Variants in PCDHGB7 observed in about 807,000 individuals in gnomAD.
PCDHGB7 encodes the protein protocadherin gamma-B7.
Under a neutral mutation model 61.4 loss-of-function variants are expected in PCDHGB7, and 37 were observed. The observed-to-expected ratio is 0.60, with a 90% CI of 0.46 to 0.79. PCDHGB7 has a LOEUF of 0.79. Among genes scored for constraint, PCDHGB7 ranks in the 30% least tolerant of loss-of-function variants. The pLI is 0.00. For synonymous variants in PCDHGB7, 464 were observed against 503.5 expected (o/e 0.92, Z 1.05); for missense variants, 1,166 against 1,202.5 (o/e 0.97, Z 0.45).
intron 1 of PCDHGB7, among the ~76,000 whole-genome samples, chr5:141,446,149 G>T (rs2098490670): frequency 6.6e-6 from 1 of 152,178 alleles, no homozygotes; most frequent in Non-Finnish European, 1.5e-5. Context: ...GGAATAGGTG[G>T]AATATAAATT....
chr5:141,504,848 C>G (rs181277525), intron 2 of PCDHGB7, among the ~76,000 whole-genome samples: 1 of 152,236 alleles, frequency 6.6e-6, no homozygotes, highest in Non-Finnish European at 1.5e-5. Context: ...CTGGAACATT[C>G]TCTTCCATTT....
chr5:141,440,693 C>T (rs2098194597), intron 1 of PCDHGB7: 1 of 152,136 alleles, frequency 6.6e-6, no homozygotes, highest in Non-Finnish European at 1.5e-5. Context: ...GTAAAAGTGA[C>T]CAACAGTGGA....
chr5:141,481,030 C>A (rs1277171839), intron 1 of PCDHGB7, among the ~76,000 whole-genome samples: 1 of 152,024 alleles, frequency 6.6e-6, no homozygotes, highest in African/African-American at 2.4e-5. Context: ...TGCACTCCAG[C>A]CTGGGCGACA....
intron 1 of PCDHGB7, among the ~76,000 whole-genome samples, chr5:141,461,616 T>A (rs1399885412): frequency 6.6e-6 from 1 of 152,236 alleles, no homozygotes; most frequent in African/African-American, 2.4e-5. Context: ...CAAAGTATTT[T>A]CTAATACACC....
chr5:141,453,111 G>A (rs1040339344), intron 1 of PCDHGB7, among the ~76,000 whole-genome samples: 5 of 151,718 alleles, frequency 3.3e-5, no homozygotes, highest in Non-Finnish European at 5.9e-5. Flanking sequence ...TTTTTGTTTT[G>A]TTTTGTTTTG....
chr5:141,430,337 C>G (rs531455580), intron 1 of PCDHGB7, among the ~76,000 whole-genome samples: 1 of 150,908 alleles, frequency 6.6e-6, no homozygotes, highest in East Asian at 2.0e-4. Context: ...TTTATAGAAA[C>G]TTCCAATTCA....
chr5:141,497,693 C>T (rs2099778709), intron 2 of PCDHGB7, among the ~76,000 whole-genome samples: 2 of 152,136 alleles, frequency 1.3e-5, no homozygotes, highest in Admixed American at 6.5e-5. Context: ...GTGTGCACCA[C>T]CACACCCAGC....
chr5:141,509,513 T>C (rs2099877131), intron 3 of PCDHGB7, among the ~76,000 whole-genome samples: 2 of 152,068 alleles, frequency 1.3e-5, no homozygotes, highest in Non-Finnish European at 2.9e-5. Flanking sequence ...ACGGTGTTGA[T>C]GATGTATTGC....
chr5:141,473,079 A>G (rs1389177835), intron 1 of PCDHGB7, among the ~76,000 whole-genome samples: 2 of 152,086 alleles, frequency 1.3e-5, no homozygotes, highest in African/African-American at 4.8e-5. Flanking sequence ...ATCTTTGTTT[A>G]TTATCCACTG....
At chr5:141,510,378 C>T (rs919650449) in intron 3 of PCDHGB7, among the ~76,000 whole-genome samples, 1 of 151,688 alleles carries the variant, frequency 6.6e-6, no homozygotes, top group African/African-American at 2.4e-5. Flanking sequence ...TCTACTCGTG[C>T]CAGGCCTTGC....
chr5:141,499,689 CTTTTTTTT>C (rs545067566), intron 2 of PCDHGB7, among the ~76,000 whole-genome samples: 2 of 119,856 alleles, frequency 1.7e-5, no homozygotes, highest in Non-Finnish European at 3.5e-5. Flanking sequence ...TAACAGATGA[CTTTTTTTT>C]TTTTTTTTTT....
Position 141,477,012 on chromosome 5 carries a change from T to C in PCDHGB7, c.2416-17795T>C. The C allele has an allele frequency of 6.2e-7, 1 of 1,614,186 alleles. No homozygotes were observed. Among genetic ancestry groups the C allele is most frequent in the Non-Finnish European group, 8.5e-7 (1 of 1,180,026 alleles). On this transcript the variant is annotated intron_variant, in intron 1 of 3. Coordinates refer to ENST00000398594, the MANE Select transcript of PCDHGB7 (RefSeq NM_018927.4). The surrounding 1 kb of genome is among the most constrained non-coding windows in gnomAD (Gnocchi z 4.9). The stretch of plus-strand genomic sequence containing the variant: ...GTGCGGCAACTATTCGCCTTAGACC[T>C]TGTAACCGGGATGCTGACAATCAAG...
Position 141,432,236 on chromosome 5 carries a change from G to A in PCDHGB7, c.2415+11962G>A, listed in dbSNP as rs752735346. On this transcript the variant is annotated intron_variant, in intron 1 of 3. Coordinates refer to ENST00000398594, the MANE Select transcript of PCDHGB7 (RefSeq NM_018927.4). This position sits in a 1 kb window ranked among gnomAD's most constrained non-coding sequence, Gnocchi z 6.0. ...CGCCCAGATCACTTATTCCCTGGCT[G>A]AGAACACCATCCAAGGGGCAAGCCT... is the stretch of plus-strand genomic sequence containing the variant. The A allele has an allele frequency of 8.7e-6, 14 of 1,614,130 alleles. No individual in the cohort carries two copies. The African/African-American group carries it at 9.3e-5, about 11-fold the overall frequency.
intron 1 of PCDHGB7, among the ~76,000 whole-genome samples, chr5:141,450,485 T>A (rs1382219564): frequency 6.6e-6 from 1 of 152,160 alleles, no homozygotes; most frequent in Non-Finnish European, 1.5e-5. Flanking sequence ...GTTTGTTTGT[T>A]TGTCTGTTTG....
chr5:141,476,672 A>T lies in PCDHGB7; in HGVS notation c.2416-18135A>T. 6.2e-7 allele frequency: 1 copy of T among 1,614,206 alleles called. No individual in the cohort carries two copies. Among genetic ancestry groups the T allele is most frequent in the African/African-American group, 1.3e-5 (1 of 75,058 alleles). ...TGAATACTTTGCGCTTCGCGTGCAG[A>T]CGCGGGAGGACAGCACCAAGTACGC... On this transcript the variant is annotated intron_variant, in intron 1 of 3. Transcript: ENST00000398594. The surrounding 1 kb of genome is among the most constrained non-coding windows in gnomAD (Gnocchi z 7.6).
intron 1 of PCDHGB7, among the ~76,000 whole-genome samples, chr5:141,437,339 T>A (rs1008090968): frequency 3.3e-5 from 5 of 152,262 alleles, no homozygotes; most frequent in Non-Finnish European, 7.3e-5. Context: ...GTAGCTTCAC[T>A]GTTTTATAGT....
chr5:141,454,232 G>T (rs2098784520), intron 1 of PCDHGB7, among the ~76,000 whole-genome samples: 1 of 152,146 alleles, frequency 6.6e-6, no homozygotes, highest in African/African-American at 2.4e-5. Context: ...TAATTGTGAT[G>T]AAAAGGATGA....
At chr5:141,421,767 C>T in intron 1 of PCDHGB7, 2 of 1,613,906 alleles carry the variant, frequency 1.2e-6, no homozygotes, top group South Asian at 1.1e-5. Context: ...ATTACTTTTC[C>T]TTGCAACTGC....
chr5:141,441,517 G>A (rs1316654534), intron 1 of PCDHGB7: 1 of 172,138 alleles, frequency 5.8e-6, no homozygotes, highest in South Asian at 1.3e-4. Flanking sequence ...CGTCGTCCAC[G>A]TGGCCAAGAA....
Sources: allele counts gnomAD v4.1 joint callset (sites outside exome capture counted in the v4.1 genomes callset), GRCh38; gene constraint gnomAD v4.1.1; non-coding constraint Gnocchi (gnomAD v3.1); transcripts MANE v1.5; gene names NCBI Gene and HGNC (gene_info 2026-07-23, HGNC 2026-07-21).